RELN: variants seen among roughly 807,000 people sequenced by gnomAD.
RELN encodes reelin.
Under a neutral mutation model 427.6 loss-of-function variants are expected in RELN, and 108 were observed. The observed-to-expected ratio is 0.25, with a 90% CI of 0.22 to 0.30. RELN has a LOEUF of 0.30. RELN is among the 10% of genes least tolerant of loss of function. RELN has a pLI of 1.00. For synonymous variants in RELN, 1,524 were observed against 1,513.4 expected (o/e 1.01, Z -0.16); for missense variants, 3,715 against 4,302.8 (o/e 0.86, Z 3.82).
intron 20 of RELN, among the ~76,000 whole-genome samples, chr7:103,622,794 G>A (rs368670806): frequency 2.6e-5 from 4 of 151,918 alleles, no homozygotes; most frequent in African/African-American, 7.3e-5. Flanking sequence ...CACTTATCAC[G>A]GTCTGGAATA....
At chr7:103,494,819 C>G (rs1186105592) in intron 57 of RELN, among the ~76,000 whole-genome samples, 1 of 151,792 alleles carries the variant, frequency 6.6e-6, no homozygotes. Context: ...GAAGTTCCAA[C>G]AGGACTAATG....
intron 3 of RELN, among the ~76,000 whole-genome samples, chr7:103,795,745 C>T (rs932117710): frequency 6.6e-6 from 1 of 152,042 alleles, no homozygotes; most frequent in African/African-American, 2.4e-5. Context: ...AAGCACAGTC[C>T]CCTTACTAAC....
chr7:103,774,218 A>G (rs1163333127), intron 4 of RELN, among the ~76,000 whole-genome samples: 1 of 150,674 alleles, frequency 6.6e-6, no homozygotes, highest in Non-Finnish European at 1.5e-5. Context: ...AATCGCTTGA[A>G]CCCAGGAGGT....
At chr7:103,570,424 T>C (rs1830855369) in intron 31 of RELN, among the ~76,000 whole-genome samples, 1 of 152,226 alleles carries the variant, frequency 6.6e-6, no homozygotes, top group Admixed American at 6.5e-5. Context: ...CCAGACTATT[T>C]TTGAATCTAA....
At chr7:103,831,370 A>G (rs947978223) in intron 3 of RELN, among the ~76,000 whole-genome samples, 2 of 152,160 alleles carry the variant, frequency 1.3e-5, no homozygotes, top group Admixed American at 6.6e-5. Flanking sequence ...CATCTTACAT[A>G]TAAGACACTG....
chr7:103,751,882 A>C (rs1791011305), intron 5 of RELN, among the ~76,000 whole-genome samples: 1 of 152,240 alleles, frequency 6.6e-6, no homozygotes. Flanking sequence ...TCCCATAGTG[A>C]AAGACATTTG....
In RELN at chr7:103,651,814, A is replaced by C. The variant is rs748774654; in HGVS notation, c.1764-25T>G. ...ACTAATAAAACCAGAACAAGCACAC[A>C]CAAAAGGTGGGGAGGGTAAAGATAA... On this transcript the variant is annotated intron_variant, in intron 14 of 64. Coordinates refer to ENST00000428762, the MANE Select transcript of RELN (RefSeq NM_005045.4). 4.3e-6 allele frequency: 7 copies of C among 1,609,436 alleles called. No individual in the cohort carries two copies. The East Asian group carries it at 1.6e-4, about 36-fold the overall frequency.
intron 2 of RELN, among the ~76,000 whole-genome samples, chr7:103,883,827 G>C (rs773233026): frequency 1.5e-4 from 23 of 152,172 alleles, no homozygotes; most frequent in Admixed American, 2.6e-4. Context: ...TGGATATGAA[G>C]AATCAATATC....
intron 2 of RELN, among the ~76,000 whole-genome samples, chr7:103,877,181 T>A (rs561811499): frequency 1.2e-4 from 19 of 152,176 alleles, no homozygotes; most frequent in Non-Finnish European, 2.6e-4. Flanking sequence ...CCCTTTCTCC[T>A]GCAGGGTGAT....
At chr7:103,582,825 A>T (rs1831184218) in intron 28 of RELN, among the ~76,000 whole-genome samples, 1 of 152,198 alleles carries the variant, frequency 6.6e-6, no homozygotes. Flanking sequence ...TCAGAATGAG[A>T]TAGGTTATGT....
intron 7 of RELN, among the ~76,000 whole-genome samples, chr7:103,724,852 G>T (rs1790165124): frequency 6.6e-6 from 1 of 151,192 alleles, no homozygotes; most frequent in Admixed American, 6.6e-5. Flanking sequence ...TCTATTCTGA[G>T]ATCTATTCAC....
chr7:103,915,575 T>G (rs996566870), intron 2 of RELN, among the ~76,000 whole-genome samples: 2 of 152,144 alleles, frequency 1.3e-5, no homozygotes, highest in Non-Finnish European at 2.9e-5. Context: ...ATGGCTGGAT[T>G]GGGCACTGAT....
chr7:103,880,206 C>G (rs1034552450), intron 2 of RELN, among the ~76,000 whole-genome samples: 30 of 151,830 alleles, frequency 2.0e-4, no homozygotes, highest in African/African-American at 7.2e-4. Context: ...AGAAAGACAG[C>G]AAAGCATGCC....
At chr7:103,940,936 C>T (rs1337227360) in intron 1 of RELN, among the ~76,000 whole-genome samples, 1 of 152,170 alleles carries the variant, frequency 6.6e-6, no homozygotes, top group Non-Finnish European at 1.5e-5. Context: ...TGGATTCCAT[C>T]CAAGCCTGGA....
chr7:103,656,929 G>A (rs1039977540), intron 12 of RELN, among the ~76,000 whole-genome samples: 1 of 152,008 alleles, frequency 6.6e-6, no homozygotes, highest in African/African-American at 2.4e-5. Context: ...GCCAAGAAAG[G>A]TTATATAATG....
At chr7:103,844,860 T>C (rs936320065) in intron 2 of RELN, among the ~76,000 whole-genome samples, 21 of 152,356 alleles carry the variant, frequency 1.4e-4, no homozygotes, top group Middle Eastern at 3.4e-3. Flanking sequence ...CTCAGTCCCC[T>C]CTGTTTCTAC....
chr7:103,613,187 T>C (rs1249227359), intron 20 of RELN, among the ~76,000 whole-genome samples: 1 of 152,216 alleles, frequency 6.6e-6, no homozygotes, highest in Non-Finnish European at 1.5e-5. Flanking sequence ...GTAAATGGGA[T>C]ACTCAATGGG....
Position 103,951,235 on chromosome 7 carries a change from ACTG to A in RELN, c.227-34053_227-34051del. Among the ~76,000 whole-genome samples the A allele has an allele frequency of 2.6e-5, 4 of 152,350 alleles. No individual in the cohort carries two copies. In the Middle Eastern group the frequency reaches 0.014, roughly 518 times the overall value. ...CACCAACTGCTTTATCAGTTTTCCA[ACTG>A]CTAATAGTCGAGTACATTTACAATC... On this transcript the variant is annotated intron_variant, in intron 1 of 64. Transcript: ENST00000428762.
intron 64 of RELN, among the ~76,000 whole-genome samples, chr7:103,475,043 C>T (rs1827985612): frequency 6.6e-6 from 1 of 152,144 alleles, no homozygotes; most frequent in Non-Finnish European, 1.5e-5. Flanking sequence ...TTCAAGTCCT[C>T]TTCATGCTTA....
Sources: allele counts gnomAD v4.1 joint callset (sites outside exome capture counted in the v4.1 genomes callset), GRCh38; gene constraint gnomAD v4.1.1; transcripts MANE v1.5; gene names NCBI Gene and HGNC (gene_info 2026-07-23, HGNC 2026-07-21).